CLSTN2: variants seen among roughly 807,000 people sequenced by gnomAD.
CLSTN2 encodes the protein calsyntenin 2, also known as calsyntenin-2.
Under a neutral mutation model 101.2 loss-of-function variants are expected in CLSTN2, and 48 were observed. The observed-to-expected ratio is 0.47, with a 90% CI of 0.38 to 0.60. The LOEUF is 0.60. Among genes scored for constraint, CLSTN2 ranks in the 20% least tolerant of loss-of-function variants. CLSTN2 has a pLI of 0.00. For synonymous variants in CLSTN2, 481 were observed against 463.6 expected, an observed-to-expected ratio of 1.04 and a Z score of -0.48; for missense variants, 1,160 against 1,238.2, an observed-to-expected ratio of 0.94 and a Z score of 0.95.
rs567084308 is a variant in CLSTN2, at chr3:140,478,924, C to T, written c.1344+12193C>T. Among the ~76,000 whole-genome samples, 11 of 151,886 alleles carry T rather than the reference C, an allele frequency of 7.2e-5. No homozygotes were observed. In the East Asian group the frequency reaches 2.1e-3, roughly 29 times the overall value. ...GAAGGAAGGGAGGCAGGCATATTCT[C>T]TGAGCCTAAGGTGTTAGAGGATGAA... On this transcript the variant is annotated intron_variant, in intron 8 of 16. Coordinates refer to ENST00000458420, the MANE Select transcript of CLSTN2 (RefSeq NM_022131.3).
chr3:140,391,033 A>G (rs1162875798), intron 2 of CLSTN2, among the ~76,000 whole-genome samples: 1 of 152,228 alleles, frequency 6.6e-6, no homozygotes, highest in East Asian at 1.9e-4. Flanking sequence ...GTCTCGGTTC[A>G]AAAGGCTGGC....
chr3:140,462,464 TA>T (rs1313168466), intron 7 of CLSTN2, among the ~76,000 whole-genome samples: 1 of 152,224 alleles, frequency 6.6e-6, no homozygotes, highest in African/African-American at 2.4e-5. Flanking sequence ...CTGATTCAAA[TA>T]ATAGAAATGT....
intron 1 of CLSTN2, among the ~76,000 whole-genome samples, chr3:140,031,854 G>A (rs1294117152): frequency 6.6e-6 from 1 of 152,240 alleles, no homozygotes; most frequent in Non-Finnish European, 1.5e-5. Context: ...AAACCAGCCA[G>A]TCTGGCTCCA....
chr3:140,194,206 G>C (rs116134963), intron 2 of CLSTN2, among the ~76,000 whole-genome samples: 1 of 152,138 alleles, frequency 6.6e-6, no homozygotes, highest in African/African-American at 2.4e-5. Flanking sequence ...AGTTTGAGAA[G>C]TCCAAGATCA....
At chr3:140,496,388 T>C (rs1277928239) in intron 8 of CLSTN2, among the ~76,000 whole-genome samples, 1 of 152,192 alleles carries the variant, frequency 6.6e-6, no homozygotes, top group African/African-American at 2.4e-5. Context: ...ATTTTCTAGA[T>C]ATAGGATCAT....
intron 2 of CLSTN2, among the ~76,000 whole-genome samples, chr3:140,211,610 T>G (rs1167491861): frequency 6.6e-6 from 1 of 151,080 alleles, no homozygotes; most frequent in Non-Finnish European, 1.5e-5. Flanking sequence ...ACATATTCAT[T>G]TAATCCTCTG....
chr3:140,384,815 C>G (rs796747914), intron 2 of CLSTN2, among the ~76,000 whole-genome samples: 4 of 152,322 alleles, frequency 2.6e-5, no homozygotes, highest in African/African-American at 9.6e-5. Context: ...CTTTCTTTAA[C>G]TTGAATTAAA....
intron 10 of CLSTN2, among the ~76,000 whole-genome samples, chr3:140,550,834 A>T (rs902114822): frequency 2.7e-5 from 4 of 150,934 alleles, no homozygotes; most frequent in African/African-American, 9.9e-5. Flanking sequence ...ACCTTTTTAT[A>T]ACCAAGCTTG....
intron 2 of CLSTN2, among the ~76,000 whole-genome samples, chr3:140,242,304 C>T (rs995424731): frequency 5.3e-5 from 8 of 152,134 alleles, no homozygotes; most frequent in African/African-American, 7.2e-5. Context: ...AACCATGTCA[C>T]CATTGTTAAA....
At position 140,255,786 on chromosome 3, in the gene CLSTN2, A is replaced by G. The variant is rs111795126; in HGVS notation, c.232+79713A>G. Reference sequence around the variant, plus strand: ...TAAAAGTTGGAAAAAAAAGAATTTTACTAAAAAGGAATTTTTTTAAATTTA... The same window carrying G: ...TAAAAGTTGGAAAAAAAAGAATTTTGCTAAAAAGGAATTTTTTTAAATTTA... On this transcript the variant is annotated intron_variant, in intron 2 of 16. Transcript: ENST00000458420. 4.7e-3 allele frequency among the ~76,000 whole-genome samples: 714 copies of G among 152,350 alleles called. 1 individual carries two copies. The highest frequency in any genetic ancestry group is 7.8e-3 in the Non-Finnish European group (529 of 68,030).
chr3:139,996,349 A>C (rs2006658665), intron 1 of CLSTN2, among the ~76,000 whole-genome samples: 1 of 152,160 alleles, frequency 6.6e-6, no homozygotes, highest in Non-Finnish European at 1.5e-5. Context: ...GTGGCTGTCC[A>C]CATTTACAAG....
chr3:140,510,423 A>C (rs1484341481), intron 8 of CLSTN2, among the ~76,000 whole-genome samples: 3 of 152,240 alleles, frequency 2.0e-5, no homozygotes, highest in Non-Finnish European at 4.4e-5. Context: ...TCATCAGTGC[A>C]TAATAAAGGT....
At chr3:140,274,955 C>T (rs568759392) in intron 2 of CLSTN2, among the ~76,000 whole-genome samples, 3 of 152,294 alleles carry the variant, frequency 2.0e-5, no homozygotes, top group African/African-American at 7.2e-5. Flanking sequence ...CAGTGTTCAT[C>T]ACCTAGTCTC....
chr3:139,977,202 T>A lies in CLSTN2; in HGVS notation c.109+41719T>A, dbSNP rs560169920. 5.3e-5 allele frequency among the ~76,000 whole-genome samples: 8 copies of A among 152,236 alleles called. No homozygotes were observed. In the East Asian group the frequency reaches 1.5e-3, roughly 29 times the overall value. ...GATGATCTCTCATCCCCACCACATC[T>A]CTTCTACCAAGGAGCTGGCTGGGAA... On this transcript the variant is annotated intron_variant, in intron 1 of 16. Coordinates refer to ENST00000458420, the MANE Select transcript of CLSTN2 (RefSeq NM_022131.3).
intron 2 of CLSTN2, among the ~76,000 whole-genome samples, chr3:140,383,940 T>C (rs1448966305): frequency 1.3e-5 from 2 of 152,118 alleles, no homozygotes; most frequent in Non-Finnish European, 2.9e-5. Context: ...CCACGTACTG[T>C]GAAGGAAAAT....
chr3:140,334,357 T>C (rs1247245531), intron 2 of CLSTN2, among the ~76,000 whole-genome samples: 1 of 152,218 alleles, frequency 6.6e-6, no homozygotes, highest in Non-Finnish European at 1.5e-5. Flanking sequence ...AATGGAGGAC[T>C]TGTGGCAGCA....
At chr3:140,000,784 C>T (rs7640131) in intron 1 of CLSTN2, among the ~76,000 whole-genome samples, 47,040 of 152,046 alleles carry the variant, frequency 0.31, 9,043 homozygotes, top group Non-Finnish European at 0.43. Flanking sequence ...ATTATCTTTC[C>T]TTTCTCTAGT....
intron 1 of CLSTN2, among the ~76,000 whole-genome samples, chr3:139,958,878 A>T (rs1413587315): frequency 6.7e-6 from 1 of 148,934 alleles, no homozygotes; most frequent in Non-Finnish European, 1.5e-5. Context: ...ATGTGATGAA[A>T]TGTGTTAAAT....
At chr3:140,167,529 T>C (rs762812652) in intron 1 of CLSTN2, among the ~76,000 whole-genome samples, 7 of 152,200 alleles carry the variant, frequency 4.6e-5, no homozygotes, top group Non-Finnish European at 8.8e-5. Context: ...ACTTTGTTCT[T>C]GCCCCACATG....
Sources: allele counts gnomAD v4.1 joint callset (sites outside exome capture counted in the v4.1 genomes callset), GRCh38; gene constraint gnomAD v4.1.1; transcripts MANE v1.5; gene names NCBI Gene and HGNC (gene_info 2026-07-23, HGNC 2026-07-21).